The following BRCA2 variants were observed in gnomAD, a reference collection of about 807,000 sequenced individuals.
BRCA2 encodes the protein breast cancer type 2 susceptibility protein.
In BRCA2, 203 loss-of-function variants were observed where a neutral mutation model predicts 276.7. The ratio of observed to expected loss-of-function variants is 0.73; its 90% CI spans 0.65 to 0.82. The LOEUF (loss-of-function observed/expected upper bound fraction) is 0.82. BRCA2 is among the 40% of genes least tolerant of loss of function. The pLI, the probability that BRCA2 is intolerant of heterozygous loss-of-function variation, is 0.00. For synonymous variants in BRCA2, 1,289 were observed against 1,338.4 expected, an observed-to-expected ratio of 0.96 and a Z score of 0.81; for missense variants, 3,920 against 3,915.0, an observed-to-expected ratio of 1.00 and a Z score of -0.03.
intron 26 of BRCA2, 101 bp from the exon 27 acceptor site, chr13:32,398,060 TA>T: frequency 7.9e-7 from 1 of 1,260,376 alleles, no homozygotes; most frequent in Non-Finnish European, 1.1e-6. Flanking sequence ...AGACTGTGTG[TA>T]ATATTTGCGT....
chr13:32,318,373 T>C (rs991379619), intron 2 of BRCA2, among the ~76,000 whole-genome samples: 4 of 152,334 alleles, frequency 2.6e-5, no homozygotes, highest in Non-Finnish European at 4.4e-5. Context: ...CTCATACCCA[T>C]AGTTTGCCAC....
At chr13:32,394,579 A>C in intron 24 of BRCA2, 110 bp from the exon 25 acceptor site, 5 of 1,332,750 alleles carry the variant, frequency 3.8e-6, no homozygotes, top group Non-Finnish European at 5.1e-6. Flanking sequence ...ATTTGCTTTT[A>C]TTATTAGCAT....
chr13:32,362,656 C>G lies in BRCA2; in HGVS notation c.7939C>G (p.Leu2647Val), dbSNP rs778391123. ...AFPKEFANRCLSPERVLLQLK... is the reference protein window; with the variant it reads ...AFPKEFANRCVSPERVLLQLK... The stretch of plus-strand genomic sequence containing the variant: ...TCCTAAGGAATTTGCTAATAGATGC[C>G]TAAGCCCAGAAAGGGTGCTTCTTCA... The change falls in exon 17 of 27, where the codon CTA (leucine) becomes GTA (valine). Residue 2647 changes from leucine to valine, a missense_variant. By Grantham distance (32) the Leu-to-Val change is conservative. Transcript: ENST00000380152. 24 of 1,614,156 alleles carry G rather than the reference C, an allele frequency of 1.5e-5. No homozygotes were observed. The highest frequency in any genetic ancestry group is 2.0e-5 in the Non-Finnish European group (24 of 1,180,028).
At chr13:32,387,924 T>C (rs1267721149) in intron 24 of BRCA2, among the ~76,000 whole-genome samples, 3 of 152,108 alleles carry the variant, frequency 2.0e-5, no homozygotes, top group Non-Finnish European at 4.4e-5. Flanking sequence ...CCTTGTCTTG[T>C]ATGCAATAAA....
At chr13:32,374,050 T>C (rs545106653) in intron 20 of BRCA2, among the ~76,000 whole-genome samples, 1 of 152,326 alleles carries the variant, frequency 6.6e-6, no homozygotes, top group South Asian at 2.1e-4. Flanking sequence ...GCTTGCACCC[T>C]CTCAAGCAAT....
intron 24 of BRCA2, among the ~76,000 whole-genome samples, chr13:32,381,815 C>T (rs1017345733): frequency 7.2e-5 from 11 of 152,048 alleles, no homozygotes; most frequent in African/African-American, 2.7e-4. Context: ...CTTTCAAGCA[C>T]TTAGGCAAAA....
At chr13:32,366,675 A>G (rs1439221523) in intron 18 of BRCA2, among the ~76,000 whole-genome samples, 1 of 151,778 alleles carries the variant, frequency 6.6e-6, no homozygotes, top group East Asian at 1.9e-4. Context: ...TATAAAACTT[A>G]GCCAGGCATG....
In BRCA2 at chr13:32,356,593, C is replaced by T. The variant is rs74047012; in HGVS notation, c.7601C>T (p.Ala2534Val). Reference protein sequence around the residue: ...KAAVGGQVPSACSHKQLYTYG... With the variant: ...KAAVGGQVPSVCSHKQLYTYG... Reference sequence around the variant, plus strand: ...GCAGTAGGAGGCCAAGTTCCCTCTGCGTGTTCTCATAAACAGGTATGTGTT... The same window carrying T: ...GCAGTAGGAGGCCAAGTTCCCTCTGTGTGTTCTCATAAACAGGTATGTGTT... Residue 2534 changes from alanine to valine, a missense_variant, in exon 15 of 27, where the codon GCG (alanine) becomes GTG (valine). Physicochemically the swap from Ala to Val is moderately conservative, Grantham distance 64. Around this residue, in one of 2 missense-constraint regions of BRCA2, gnomAD observed 3,263 missense variants for 3,156.9 expected, o/e 1.03. Transcript: ENST00000380152. 5.5e-5 allele frequency: 89 copies of T among 1,614,144 alleles called. No individual in the cohort carries two copies. Among genetic ancestry groups the T allele is most frequent in the African/African-American group, 3.3e-4 (25 of 75,030 alleles).
chr13:32,351,252 G>A (rs1219300445), intron 13 of BRCA2, among the ~76,000 whole-genome samples: 6 of 152,160 alleles, frequency 3.9e-5, no homozygotes, highest in African/African-American at 1.4e-4. Context: ...CTTCACTCCT[G>A]AAGTCAGCAA....
chr13:32,391,363 G>C (rs1264067663), intron 24 of BRCA2, among the ~76,000 whole-genome samples: 1 of 152,248 alleles, frequency 6.6e-6, no homozygotes, highest in South Asian at 2.1e-4. Context: ...TCTGGAGCTG[G>C]GTGGCCCTTC....
In BRCA2 at chr13:32,341,178, G is replaced by A. The variant is rs587782362; in HGVS notation, c.6823G>A (p.Glu2275Lys). The change falls in exon 11 of 27, where the codon GAG becomes AAG. Residue 2275 changes from glutamate (E) to lysine (K), a missense_variant. Coordinates refer to ENST00000380152, the MANE Select transcript of BRCA2 (RefSeq NM_000059.4). ...SNSRIGKRRG[E>K]PLILVGEPSI... is the part of the protein sequence containing the mutation. ...TTCAAGAATTGGAAAAAGAAGAGGA[G>A]AGCCCCTTATCTTAGTGGGTAAGTG... The A allele has an allele frequency of 9.9e-6, 16 of 1,613,956 alleles. No individual in the cohort carries two copies. Among genetic ancestry groups the A allele is most frequent in the East Asian group, 2.2e-5 (1 of 44,818 alleles).
chr13:32,349,877 C>T (rs952938693), intron 13 of BRCA2, among the ~76,000 whole-genome samples: 2 of 151,460 alleles, frequency 1.3e-5, no homozygotes, highest in African/African-American at 2.4e-5. Context: ...GTCTCCTGCC[C>T]GCTCTATGAA....
rs1593925072 is a variant in BRCA2 at position 32,363,295 on chromosome 13, C to T, written c.8093C>T (p.Ala2698Val). The T allele has an allele frequency of 6.2e-7, 1 of 1,614,094 alleles. No homozygotes were observed. Among genetic ancestry groups the T allele is most frequent in the South Asian group, 1.1e-5 (1 of 91,086 alleles). ...GTTTCTGACATAATTTCATTGAGCG[C>T]AAATATATCTGAAACTTCTAGCAAT... is the stretch of plus-strand genomic sequence containing the variant. ...LCVSDIISLS[A>V]NISETSSNKT... The change falls in exon 18 of 27, where the codon GCA (alanine) becomes GTA (valine). Residue 2698 changes from alanine to valine, a missense_variant. Ala to Val is a moderately conservative substitution (Grantham distance 64). Around this residue, in one of 2 missense-constraint regions of BRCA2, gnomAD observed 3,263 missense variants for 3,156.9 expected, o/e 1.03. Transcript: ENST00000380152.
At position 32,333,218 on chromosome 13, in the gene BRCA2, A is replaced by G. The variant is rs750989404; in HGVS notation, c.1740A>G (p.Ile580Met). 6.2e-7 allele frequency: 1 copy of G among 1,613,212 alleles called. No homozygotes were observed. The highest frequency in any genetic ancestry group is 8.5e-7 in the Non-Finnish European group (1 of 1,179,416). ...NSVALKNAGL[I>M]STLKKKTNKF... The stretch of plus-strand genomic sequence containing the variant: ...TAGCTTTGAAGAATGCAGGTTTAAT[A>G]TCCACTTTGAAAAAGAAAACAAATA... The change falls in exon 10 of 27, where the codon ATA becomes ATG. Residue 580 changes from isoleucine (I) to methionine (M), a missense_variant. By Grantham distance (10) the Ile-to-Met change is conservative. Around this residue, in one of 2 missense-constraint regions of BRCA2, gnomAD observed 3,263 missense variants for 3,156.9 expected, o/e 1.03. Coordinates refer to ENST00000380152, the MANE Select transcript of BRCA2 (RefSeq NM_000059.4).
intron 11 of BRCA2, 97 bp from the exon 12 acceptor site, chr13:32,344,461 G>A: frequency 1.4e-6 from 1 of 740,166 alleles, no homozygotes; most frequent in Non-Finnish European, 2.3e-6. Context: ...CATTTAAAGA[G>A]TCAATACTTT....
chr13:32,352,038 T>G (rs1333573145), intron 13 of BRCA2, among the ~76,000 whole-genome samples: 2 of 152,132 alleles, frequency 1.3e-5, no homozygotes, highest in East Asian at 3.9e-4. Flanking sequence ...CCTGACCTCG[T>G]GATCCGCCCA....
intron 17 of BRCA2, 119 bp downstream of exon 17, chr13:32,362,812 C>A: frequency 9.4e-7 from 1 of 1,067,086 alleles, no homozygotes; most frequent in Non-Finnish European, 1.4e-6. Flanking sequence ...CAGTTGCCAT[C>A]CCACACTGCT....
rs1060502429 is a variant in BRCA2, at chr13:32,339,757, C to G, written c.5402C>G (p.Pro1801Arg). 1 of 1,613,834 alleles carries G rather than the reference C, an allele frequency of 6.2e-7. No homozygotes were observed. Among genetic ancestry groups the G allele is most frequent in the Admixed American group, 1.7e-5 (1 of 60,008 alleles). ...ISNVKDANAY[P>R]QTVNEDICVE... ...AATGTAAAAGATGCAAATGCATACC[C>G]ACAAACTGTAAATGAAGATATTTGC... Residue 1801 changes from proline to arginine, a missense_variant, in exon 11 of 27, where the codon CCA (proline) becomes CGA (arginine). Pro to Arg is a moderately radical substitution (Grantham distance 103). Coordinates refer to ENST00000380152, the MANE Select transcript of BRCA2 (RefSeq NM_000059.4).
At chr13:32,325,926 C>G (rs2072341812) in intron 4 of BRCA2, among the ~76,000 whole-genome samples, 175 bp from the exon 5 acceptor site, 1 of 152,140 alleles carries the variant, frequency 6.6e-6, no homozygotes, top group South Asian at 2.1e-4. Context: ...TTAAACATCA[C>G]TTGATGATTA....
Sources: allele counts gnomAD v4.1 joint callset (sites outside exome capture counted in the v4.1 genomes callset), GRCh38; gene constraint gnomAD v4.1.1; regional missense constraint gnomAD v4.1.1; transcripts MANE v1.5; gene names NCBI Gene and HGNC (gene_info 2026-07-23, HGNC 2026-07-21).